The following SAMD12 variants were observed in gnomAD, a reference collection of about 807,000 sequenced individuals.
SAMD12 encodes sterile alpha motif domain-containing protein 12.
In SAMD12, 9 loss-of-function variants were observed where a neutral mutation model predicts 15.0. The ratio of observed to expected loss-of-function variants is 0.60; its 90% CI spans 0.36 to 1.05. The LOEUF is 1.05. Ranked by LOEUF, SAMD12 falls within the 50% of genes least tolerant of loss-of-function variation. The pLI is 0.01. For missense variants in SAMD12, 230 were observed against 234.2 expected, an observed-to-expected ratio of 0.98 and a Z score of 0.12; for synonymous variants, 86 against 90.1, an observed-to-expected ratio of 0.96 and a Z score of 0.25.
intron 2 of SAMD12, among the ~76,000 whole-genome samples, chr8:118,463,379 G>T (rs7014801): frequency 0.061 from 9,243 of 152,174 alleles, 708 homozygotes; most frequent in African/African-American, 0.18. Context: ...TCAAGACAAG[G>T]ATTCATCCAG....
intron 2 of SAMD12, among the ~76,000 whole-genome samples, chr8:118,479,657 TAA>T (rs1362918303): frequency 4.6e-5 from 7 of 152,180 alleles, no homozygotes; most frequent in Admixed American, 3.9e-4. Flanking sequence ...TTCTCATAGC[TAA>T]TTCTTTTTCA....
chr8:118,231,001 G>C (rs1253729537), intron 4 of SAMD12, among the ~76,000 whole-genome samples: 1 of 152,094 alleles, frequency 6.6e-6, no homozygotes, highest in African/African-American at 2.4e-5. Flanking sequence ...TATTATAAGA[G>C]GGCAACAGTG....
In SAMD12 at chr8:118,279,867, T is replaced by C. The variant is rs57360785; in HGVS notation, c.434-82135A>G. Among the ~76,000 whole-genome samples, 751 of 152,322 alleles carry C rather than the reference T, an allele frequency of 4.9e-3. 5 individuals are homozygous for C. The highest frequency in any genetic ancestry group is 0.017 in the African/African-American group (710 of 41,562). ...GATGAACAGCCTGGCCCAGTGGGATTCACTTTACTGAAGAGGTAGTTGGTG... is the reference window on the plus strand; with the variant it reads ...GATGAACAGCCTGGCCCAGTGGGATCCACTTTACTGAAGAGGTAGTTGGTG... On this transcript the variant is annotated intron_variant, in intron 4 of 4. Coordinates refer to the SAMD12 transcript ENST00000409003.
intron 1 of SAMD12, among the ~76,000 whole-genome samples, chr8:118,618,587 C>T (rs897600950): frequency 6.6e-6 from 1 of 152,110 alleles, no homozygotes; most frequent in Non-Finnish European, 1.5e-5. Context: ...CTCCTGTAAT[C>T]CCAGCACTTT....
chr8:118,613,577 C>A (rs1828159330), intron 1 of SAMD12, among the ~76,000 whole-genome samples: 1 of 152,146 alleles, frequency 6.6e-6, no homozygotes, highest in African/African-American at 2.4e-5. Context: ...CTAAAGACTT[C>A]CCTTAATCCC....
intron 2 of SAMD12, among the ~76,000 whole-genome samples, chr8:118,463,100 C>CA (rs71292167): frequency 0.011 from 722 of 63,086 alleles, 20 homozygotes; most frequent in Middle Eastern, 0.031. Context: ...AACTCCGTCT[C>CA]AAAAAAAAAA....
chr8:118,401,065 T>C (rs1169905373), intron 3 of SAMD12, among the ~76,000 whole-genome samples: 5 of 152,248 alleles, frequency 3.3e-5, no homozygotes, highest in East Asian at 3.8e-4. Context: ...TGTTATAGAA[T>C]TGTTAGGTCT....
chr8:118,138,989 A>G, the SAMD12 span, among the ~76,000 whole-genome samples: 1 of 152,216 alleles, frequency 6.6e-6, no homozygotes, highest in Non-Finnish European at 1.5e-5. Context: ...GCTGGACTCT[A>G]AATTGTATCG....
chr8:118,460,578 C>T lies in SAMD12; in HGVS notation c.193-20617G>A, dbSNP rs1447617060. Among the ~76,000 whole-genome samples the T allele has an allele frequency of 1.5e-4, 23 of 152,068 alleles. 1 individual carries two copies. The highest frequency in any genetic ancestry group is 7.4e-5 in the Non-Finnish European group (5 of 68,012). On this transcript the variant is annotated intron_variant, in intron 2 of 3. Coordinates refer to ENST00000314727, the MANE Select transcript of SAMD12 (RefSeq NM_207506.3). The stretch of plus-strand genomic sequence containing the variant: ...TGGAATCAGGGAGGAGATAGACAAA[C>T]AGGGTATCTCTAGGACAGAGGTGCA...
At chr8:118,435,501 A>T (rs934537862) in intron 3 of SAMD12, among the ~76,000 whole-genome samples, 1 of 152,132 alleles carries the variant, frequency 6.6e-6, no homozygotes, top group Non-Finnish European at 1.5e-5. Context: ...TTCTGATTAA[A>T]CACATCTGCC....
chr8:118,554,688 A>G (rs571298199), intron 2 of SAMD12, among the ~76,000 whole-genome samples: 106 of 152,182 alleles, frequency 7.0e-4, no homozygotes, highest in African/African-American at 2.4e-3. Flanking sequence ...ATAATAAAAA[A>G]GAACTAAAAA....
At chr8:118,235,390 T>C (rs1812406014) in intron 4 of SAMD12, among the ~76,000 whole-genome samples, 1 of 152,120 alleles carries the variant, frequency 6.6e-6, no homozygotes, top group South Asian at 2.1e-4. Context: ...TTTGTATTTT[T>C]AGTAGAGATG....
intron 4 of SAMD12, among the ~76,000 whole-genome samples, chr8:118,362,720 T>C (rs1277278921): frequency 6.6e-6 from 1 of 152,238 alleles, no homozygotes; most frequent in African/African-American, 2.4e-5. Context: ...ACCCTCATGG[T>C]CACTGTTAAT....
Position 118,261,051 on chromosome 8 carries a change from G to A in SAMD12, c.434-63319C>T, listed in dbSNP as rs548358799. ...GGCCCAGGGAAGATGCTCAACAAAC[G>A]TTTGTTAAAAGCGTAAATGAGTGAA... On this transcript the variant is annotated intron_variant, in intron 4 of 4. Coordinates refer to the SAMD12 transcript ENST00000409003. Among the ~76,000 whole-genome samples the A allele has an allele frequency of 5.3e-5, 8 of 152,100 alleles. No homozygotes were observed. In the South Asian group the frequency reaches 6.2e-4, roughly 12 times the overall value.
chr8:118,364,241 TG>T (rs762390209), intron 4 of SAMD12, among the ~76,000 whole-genome samples: 1 of 152,272 alleles, frequency 6.6e-6, no homozygotes, highest in Admixed American at 6.5e-5. Flanking sequence ...TATTATCCTT[TG>T]GGGGTTGCCT....
chr8:118,224,908 G>T (rs1049025378), intron 4 of SAMD12, among the ~76,000 whole-genome samples: 2 of 152,154 alleles, frequency 1.3e-5, no homozygotes, highest in African/African-American at 4.8e-5. Context: ...ACTTATTGTT[G>T]AGCAAACAGT....
At chr8:118,535,347 A>G (rs1258523900) in intron 2 of SAMD12, among the ~76,000 whole-genome samples, 2 of 152,210 alleles carry the variant, frequency 1.3e-5, no homozygotes, top group East Asian at 1.9e-4. Context: ...ATGAGGTGTC[A>G]GTCTGCCCCT....
At chr8:118,618,437 C>T (rs1206064156) in intron 1 of SAMD12, among the ~76,000 whole-genome samples, 2 of 152,144 alleles carry the variant, frequency 1.3e-5, no homozygotes, top group African/African-American at 4.8e-5. Flanking sequence ...GGATATAAAA[C>T]ACATGCCAAA....
chr8:118,390,441 G>C (rs2130751277), intron 3 of SAMD12, among the ~76,000 whole-genome samples: 1 of 152,294 alleles, frequency 6.6e-6, no homozygotes, highest in African/African-American at 2.4e-5. Flanking sequence ...TCCATTCTGT[G>C]TAGCCTATTC....
Sources: gnomAD v4.1 joint callset for allele counts (sites outside exome capture counted in the v4.1 genomes callset) on GRCh38, gnomAD v4.1.1 for gene constraint, MANE v1.5 for transcripts, NCBI Gene and HGNC (gene_info 2026-07-23, HGNC 2026-07-21) for gene names.